METTL9: variants seen among roughly 807,000 people sequenced by gnomAD.
METTL9 encodes the protein protein-L-histidine N-pros-methyltransferase.
METTL9 carries 10 observed loss-of-function variants against 36.0 expected under a neutral mutation model. The ratio of observed to expected loss-of-function variants is 0.28; its 90% confidence interval spans 0.17 to 0.47. The LOEUF is 0.47. Ranked by LOEUF, METTL9 falls within the 20% of genes least tolerant of loss-of-function variation. The pLI is 0.99. For missense variants in METTL9, 246 were observed against 383.5 expected (o/e 0.64, Z 3.00); for synonymous variants, 175 against 149.7 (o/e 1.17, Z -1.23).
chr16:21,599,380 G>T, upstream of METTL9: 1 of 1,056,600 alleles, frequency 9.5e-7, no homozygotes, highest in Non-Finnish European at 1.1e-6. This position sits in a 1 kb window ranked among gnomAD's most constrained non-coding sequence, Gnocchi z 4.4. Context: ...GCCGGGACAC[G>T]AGAACGCGCT....
rs773642657 is a variant in METTL9 at position 21,599,801 on chromosome 16, C to T, written c.68C>T (p.Thr23Met). Residue 23 changes from threonine (T) to methionine (M), a missense_variant, in exon 1 of 5, where the codon ACG becomes ATG. Transcript: ENST00000358154. This position sits in a 1 kb window ranked among gnomAD's most constrained non-coding sequence, Gnocchi z 4.4. ...ASVWLARRMW[T>M]LRSPLTRSLY... is the part of the protein sequence containing the mutation. The stretch of plus-strand genomic sequence containing the variant: ...GTGTGGCTGGCGCGGAGGATGTGGA[C>T]GCTGCGGAGCCCGCTCACCCGCTCC... 3 of 1,549,226 alleles carry T rather than the reference C, an allele frequency of 1.9e-6. No homozygotes were observed. Among genetic ancestry groups the T allele is most frequent in the Admixed American group, 3.8e-5 (2 of 53,214 alleles).
chr16:21,647,236 C>T (rs552933355), intron 4 of METTL9: 1 of 1,614,008 alleles, frequency 6.2e-7, no homozygotes, highest in African/African-American at 1.3e-5. Flanking sequence ...CATTTGAAGT[C>T]ACTCTGTTTA....
At position 21,599,838 on chromosome 16, in the gene METTL9, C is replaced by T. The variant is rs752574711; in HGVS notation, c.105C>T (p.Asn35=). ...RSPLTRSLYV[N]MTSGPGGPAA... Reference sequence around the variant, plus strand: ...CGCTCACCCGCTCCCTGTACGTGAACATGACTAGCGGCCCGGGTGGGCCGG... The same window carrying T: ...CGCTCACCCGCTCCCTGTACGTGAATATGACTAGCGGCCCGGGTGGGCCGG... The change falls in exon 1 of 5, where the codon AAC becomes AAT. Residue 35 remains asparagine (N), a synonymous_variant. Coordinates refer to ENST00000358154, the MANE Select transcript of METTL9 (RefSeq NM_016025.5). The surrounding 1 kb of genome is among the most constrained non-coding windows in gnomAD (Gnocchi z 4.4). 6.5e-7 allele frequency: 1 copy of T among 1,532,730 alleles called. No homozygotes were observed. Among genetic ancestry groups the T allele is most frequent in the South Asian group, 1.2e-5 (1 of 82,822 alleles). 94.9% of individuals were successfully genotyped at this position (1,532,730 alleles called of 1,614,324 possible). A position where few individuals can be genotyped will look rare whatever the true frequency, so the allele number is the denominator to read the frequency against.
intron 4 of METTL9, chr16:21,640,923 C>CAA (rs1376298782): frequency 1.3e-5 from 2 of 152,096 alleles, no homozygotes; most frequent in Non-Finnish European, 2.9e-5. Context: ...CTCTGTTTAA[C>CAA]CTTCAGCTTT....
At chr16:21,654,031 G>GTTTTTT (rs1567351159) in intron 4 of METTL9, 13 of 121,680 alleles carry the variant, frequency 1.1e-4, no homozygotes, top group African/African-American at 4.1e-4. Context: ...TTCTCAGTCT[G>GTTTTTT]TTTTGTTTTT....
intron 1 of METTL9, among the ~76,000 whole-genome samples, chr16:21,600,330 C>G (rs1965085980): frequency 6.6e-6 from 1 of 152,194 alleles, no homozygotes. Context: ...GAAAAGCCAG[C>G]CCCTCTTGTT....
chr16:21,644,515 C>CCTG, intron 4 of METTL9: 1 of 659,040 alleles, frequency 1.5e-6, no homozygotes, highest in South Asian at 1.8e-5. Flanking sequence ...CTCTGCTTGC[C>CCTG]TATTCGTATA....
chr16:21,633,694 C>T (rs1226232975), intron 4 of METTL9, among the ~76,000 whole-genome samples: 1 of 152,190 alleles, frequency 6.6e-6, no homozygotes, highest in African/African-American at 2.4e-5. Context: ...TTGCACTAGT[C>T]TCCACTGACC....
chr16:21,624,781 G>GC, intron 3 of METTL9, 150 bp from the exon 4 acceptor site: 1 of 717,130 alleles, frequency 1.4e-6, no homozygotes, highest in Non-Finnish European at 2.3e-6. Flanking sequence ...CTCTTCCTTG[G>GC]CCATGTCATT....
At chr16:21,604,278 C>A (rs1389146766) in intron 1 of METTL9, among the ~76,000 whole-genome samples, 8 of 152,170 alleles carry the variant, frequency 5.3e-5, no homozygotes, top group Admixed American at 5.2e-4. Flanking sequence ...TTTCACAGAA[C>A]ACTAGAATCT....
upstream of METTL9, chr16:21,597,931 G>A (rs1964986888): frequency 6.6e-6 from 1 of 152,534 alleles, no homozygotes. Flanking sequence ...ATTGGAAAGA[G>A]AGAACACAAA....
At chr16:21,597,320 C>T, upstream of METTL9, 1 of 1,285,208 alleles carries the variant, frequency 7.8e-7, no homozygotes, top group Non-Finnish European at 1.0e-6. Context: ...TGAATTTACT[C>T]TGCTACCTTC....
In METTL9 at chr16:21,599,851, CCGGGTGGGCCGGCGGCGGCCG is replaced by C. The variant is rs1343115024; in HGVS notation, c.123_143del (p.Pro43_Gly49del). On this transcript the variant is annotated inframe_deletion, in exon 1 of 5. Transcript: ENST00000358154. The surrounding 1 kb of genome is among the most constrained non-coding windows in gnomAD (Gnocchi z 4.4). ...CCTGTACGTGAACATGACTAGCGGCCCGGGTGGGCCGGCGGCGGCCGCGGGCGGCAGGAAGGAGAACCACCA... is the reference window on the plus strand; with the variant it reads ...CCTGTACGTGAACATGACTAGCGGCCCGGGCGGCAGGAAGGAGAACCACCA... The C allele has an allele frequency of 6.6e-7, 1 of 1,508,486 alleles. No homozygotes were observed. The highest frequency in any genetic ancestry group is 1.4e-5 in the African/African-American group (1 of 69,496). The allele number at this position is 1,508,486 out of a possible 1,614,324, so 93.4% of individuals were successfully genotyped here.
chr16:21,627,513 A>G (rs999039806), intron 4 of METTL9: 7 of 256,878 alleles, frequency 2.7e-5, no homozygotes, highest in Admixed American at 2.6e-4. Flanking sequence ...AGAAGGAAAG[A>G]TATGAAGTCA....
At chr16:21,632,885 GCT>G (rs1327827097) in intron 4 of METTL9, among the ~76,000 whole-genome samples, 2 of 152,148 alleles carry the variant, frequency 1.3e-5, no homozygotes, top group African/African-American at 4.8e-5. Flanking sequence ...AGCTATCCCT[GCT>G]CTCTCTGTGA....
intron 1 of METTL9, among the ~76,000 whole-genome samples, 196 bp downstream of exon 1, chr16:21,600,094 C>A (rs1965075624): frequency 6.6e-6 from 1 of 152,104 alleles, no homozygotes; most frequent in Non-Finnish European, 1.5e-5. Context: ...GGCCGCGGCC[C>A]CGCGAGCGCC....
intron 3 of METTL9, among the ~76,000 whole-genome samples, chr16:21,620,567 T>G (rs1333684602): frequency 6.6e-6 from 1 of 152,184 alleles, no homozygotes; most frequent in Non-Finnish European, 1.5e-5. Flanking sequence ...CAGGGAAACT[T>G]CAGATGTTTG....
intron 4 of METTL9, chr16:21,626,876 A>G: frequency 1.2e-6 from 1 of 865,404 alleles, no homozygotes; most frequent in Non-Finnish European, 1.4e-6. Context: ...GAGATGAAAG[A>G]GCAGGGGGAA....
rs1332284958 is a variant in METTL9 at position 21,629,800 on chromosome 16, TGCTGATTGGTCCATTTTACAGAGA to T, written c.751+4722_751+4745del. ...CCCTTATCTGGCCCCACCCACAGCC[TGCTGATTGGTCCATTTTACAGAGA>T]GCTGATTGGTCCATTTTACAGAGAG... On this transcript the variant is annotated intron_variant, in intron 4 of 4. Transcript: ENST00000358154. Among the ~76,000 whole-genome samples the T allele has an allele frequency of 1.4e-3, 217 of 152,290 alleles. 3 individuals carry two copies. In the East Asian group the frequency reaches 0.03, roughly 21 times the overall value.
Sources: allele counts gnomAD v4.1 joint callset (sites outside exome capture counted in the v4.1 genomes callset), GRCh38; gene constraint gnomAD v4.1.1; non-coding constraint Gnocchi (gnomAD v3.1); transcripts MANE v1.5; gene names NCBI Gene and HGNC (gene_info 2026-07-23, HGNC 2026-07-21).